The following CCNG1 variants were observed in gnomAD, a reference collection of about 807,000 sequenced individuals.
CCNG1 encodes the protein cyclin-G1.
CCNG1 carries 13 observed loss-of-function variants against 30.0 expected under a neutral mutation model. The ratio of observed to expected loss-of-function variants is 0.43; its 90% CI spans 0.28 to 0.69. The LOEUF is 0.69. CCNG1 is among the 30% of genes least tolerant of loss of function. The pLI is 0.16. For synonymous variants in CCNG1, 110 were observed against 121.5 expected (o/e 0.91, Z 0.62); for missense variants, 285 against 331.4 (o/e 0.86, Z 1.09).
chr5:163,453,076 A>G, the CCNG1 span: 1 of 152,222 alleles, frequency 6.6e-6, no homozygotes, highest in African/African-American at 2.4e-5. Context: ...TGAAGCAGAT[A>G]GTAATCAGTA....
downstream of CCNG1, chr5:163,448,876 C>T (rs748820412): frequency 1.3e-5 from 2 of 152,102 alleles, no homozygotes; most frequent in African/African-American, 4.8e-5. Context: ...CAAACTGATA[C>T]AGAAAGAGCA....
chr5:163,449,818 T>C (rs1758132327), downstream of CCNG1: 1 of 150,470 alleles, frequency 6.6e-6, no homozygotes, highest in South Asian at 2.1e-4. Context: ...GAATGGAGAG[T>C]TTTTCAACAG....
the CCNG1 span, among the ~76,000 whole-genome samples, chr5:163,454,663 C>G: frequency 6.6e-6 from 1 of 152,108 alleles, no homozygotes; most frequent in South Asian, 2.1e-4. Context: ...TTTTTGAGAG[C>G]TTTCTATATG....
chr5:163,443,269 GC>G (rs1339649607), intron 6 of CCNG1, among the ~76,000 whole-genome samples: 1 of 145,520 alleles, frequency 6.9e-6, no homozygotes, highest in Non-Finnish European at 1.5e-5. Flanking sequence ...CTGAGATCGC[GC>G]CACTACACTC....
Position 163,441,281 on chromosome 5 carries a change from A to G in CCNG1, c.468A>G (p.Gln156=), listed in dbSNP as rs1300403629. 3.1e-6 allele frequency: 5 copies of G among 1,614,024 alleles called. No homozygotes were observed. The East Asian group carries it at 8.9e-5, about 29-fold the overall frequency. Reference sequence around the variant, plus strand: ...AAGTCAAAGCTACTACTGCCTTTCAATTTCTGCAACTGTATTATTCACTCC... The same window carrying G: ...AAGTCAAAGCTACTACTGCCTTTCAGTTTCTGCAACTGTATTATTCACTCC... The part of the protein sequence containing the change: ...CWKVKATTAF[Q]FLQLYYSLLQ... The change falls in exon 3 of 7, where the codon CAA becomes CAG. Residue 156 remains glutamine, a synonymous_variant. Transcript: ENST00000340828.
intron 3 of CCNG1, 120 bp downstream of exon 3, chr5:163,441,451 G>T: frequency 1.1e-6 from 1 of 913,942 alleles, no homozygotes; most frequent in Non-Finnish European, 1.6e-6. Flanking sequence ...GACAGCTGTG[G>T]CTCCTTGAAC....
intron 6 of CCNG1, 50 bp from the exon 7 acceptor site, chr5:163,443,624 A>G: frequency 1.0e-6 from 1 of 965,392 alleles, no homozygotes; most frequent in South Asian, 1.4e-5. Flanking sequence ...GTATTTAGGC[A>G]GACTGGCTTC....
the CCNG1 span, among the ~76,000 whole-genome samples, chr5:163,454,753 T>TA: frequency 6.6e-6 from 1 of 152,248 alleles, no homozygotes; most frequent in Non-Finnish European, 1.5e-5. Context: ...TGTCAGGCCT[T>TA]AGTCTTTTTG....
At position 163,444,714 on chromosome 5, in the gene CCNG1, AGT is replaced by A. The variant is rs1440571257; in HGVS notation, c.*1047_*1048del. The stretch of plus-strand genomic sequence containing the variant: ...GTGAATGTAAGAAGTACAGTGTTAA[AGT>A]GTTGTAAACAGTTACTCAGTGCAAT... On this transcript the variant is annotated 3_prime_UTR_variant, in exon 7 of 7. Coordinates refer to ENST00000340828, the MANE Select transcript of CCNG1 (RefSeq NM_004060.4). 8 of 152,686 alleles carry A rather than the reference AGT, an allele frequency of 5.2e-5. No individual in the cohort carries two copies. Among genetic ancestry groups the A allele is most frequent in the African/African-American group, 1.9e-4 (8 of 41,474 alleles). 9.5% of individuals were successfully genotyped at this position (152,686 alleles called of 1,614,324 possible). A position where few individuals can be genotyped will look rare whatever the true frequency, so the allele number is the denominator to read the frequency against.
At chr5:163,440,651 G>A (rs1157637715) in intron 2 of CCNG1, among the ~76,000 whole-genome samples, 1 of 152,152 alleles carries the variant, frequency 6.6e-6, no homozygotes, top group Non-Finnish European at 1.5e-5. Context: ...TGTTTTATAT[G>A]TGTTCCCACA....
downstream of CCNG1, chr5:163,447,119 G>A (rs1758056005): frequency 1.3e-5 from 2 of 152,140 alleles, no homozygotes; most frequent in Admixed American, 6.5e-5. Context: ...CCAAGACAGT[G>A]CTAAAAGTGT....
At chr5:163,438,790 G>T (rs1441765396) in intron 1 of CCNG1, among the ~76,000 whole-genome samples, 2 of 152,236 alleles carry the variant, frequency 1.3e-5, no homozygotes, top group Non-Finnish European at 2.9e-5. Flanking sequence ...CACTTTGGAA[G>T]GCCGAGGCGG....
In CCNG1 at chr5:163,444,381, ACCTACT is replaced by A. The variant is rs1419462170; in HGVS notation, c.*712_*717del. On this transcript the variant is annotated 3_prime_UTR_variant, in exon 7 of 7. Coordinates refer to ENST00000340828, the MANE Select transcript of CCNG1 (RefSeq NM_004060.4). ...TCTACGATAAAAATTTTTATACAGAACCTACTGCCTCAAACTGAATCCCATCAAGAA... is the reference window on the plus strand; with the variant it reads ...TCTACGATAAAAATTTTTATACAGAAGCCTCAAACTGAATCCCATCAAGAA... 3 of 152,680 alleles carry A rather than the reference ACCTACT, an allele frequency of 2.0e-5. No homozygotes were observed. The highest frequency in any genetic ancestry group is 7.2e-5 in the African/African-American group (3 of 41,580). 9.5% of individuals were successfully genotyped at this position (152,680 alleles called of 1,614,324 possible).
rs540504264 is a variant in CCNG1, at chr5:163,443,076, A to G, written c.*3+508A>G. Among the ~76,000 whole-genome samples, 10 of 152,272 alleles carry G rather than the reference A, an allele frequency of 6.6e-5. No individual in the cohort carries two copies. The South Asian group carries it at 1.7e-3, about 25-fold the overall frequency. ...TGTAATCCCAGCACTTTGGGAGGCC[A>G]AGGCGGGCGGATCACGAGGTCAGGA... On this transcript the variant is annotated intron_variant, in intron 6 of 6. Coordinates refer to ENST00000340828, the MANE Select transcript of CCNG1 (RefSeq NM_004060.4).
At chr5:163,455,912 T>G in the CCNG1 span, among the ~76,000 whole-genome samples, 4 of 152,100 alleles carry the variant, frequency 2.6e-5, no homozygotes, top group Non-Finnish European at 4.4e-5. Context: ...TAAATATATT[T>G]CGAAGGTAGC....
rs1442046885 is a variant in CCNG1, at chr5:163,439,297, T to C, written c.41T>C (p.Leu14Pro). The change falls in exon 2 of 7, where the codon CTA (leucine) becomes CCA (proline). Residue 14 changes from leucine (L) to proline (P), a missense_variant. Physicochemically the swap from Leu to Pro is moderately conservative, Grantham distance 98. Coordinates refer to ENST00000340828, the MANE Select transcript of CCNG1 (RefSeq NM_004060.4). ...VLTTTDSQKL[L>P]HQLNALLEQE... The stretch of plus-strand genomic sequence containing the variant: ...ACAACAACTGACTCTCAGAAACTGC[T>C]ACACCAGCTGAATGCCCTGTTGGAA... The C allele has an allele frequency of 2.5e-6, 4 of 1,613,922 alleles. No individual in the cohort carries two copies. Among genetic ancestry groups the C allele is most frequent in the Non-Finnish European group, 3.4e-6 (4 of 1,179,962 alleles).
chr5:163,443,625 G>T, intron 6 of CCNG1, 49 bp from the exon 7 acceptor site: 1 of 990,508 alleles, frequency 1.0e-6, no homozygotes, highest in South Asian at 1.4e-5. Context: ...TATTTAGGCA[G>T]ACTGGCTTCT....
chr5:163,453,792 C>T, the CCNG1 span: 7 of 417,892 alleles, frequency 1.7e-5, no homozygotes, highest in African/African-American at 1.4e-4. Context: ...GAATAGTTCC[C>T]ACAGTACATT....
At chr5:163,442,715 A>G (rs1757881312) in intron 6 of CCNG1, 147 bp downstream of exon 6, 1 of 641,278 alleles carries the variant, frequency 1.6e-6, no homozygotes. Flanking sequence ...TAGTCAGCTA[A>G]TATTTGAAGG....
Sources: gnomAD v4.1 joint callset for allele counts (sites outside exome capture counted in the v4.1 genomes callset) on GRCh38, gnomAD v4.1.1 for gene constraint, MANE v1.5 for transcripts, NCBI Gene and HGNC (gene_info 2026-07-23, HGNC 2026-07-21) for gene names.